Variants in SUMF1 observed in about 807,000 individuals in gnomAD.
SUMF1 encodes sulfatase modifying factor 1.
Under a neutral mutation model 47.6 loss-of-function variants are expected in SUMF1, and 48 were observed. That is an observed-to-expected ratio of 1.01 (90% confidence interval 0.80 to 1.28). SUMF1 has a LOEUF of 1.28. SUMF1 is among the 50% of genes most tolerant of loss of function. SUMF1 has a pLI of 0.00. For missense variants in SUMF1, 571 were observed against 485.4 expected, an observed-to-expected ratio of 1.18 and a Z score of -1.66; for synonymous variants, 230 against 192.1, an observed-to-expected ratio of 1.20 and a Z score of -1.63.
intron 8 of SUMF1, among the ~76,000 whole-genome samples, chr3:4,181,990 T>C (rs754150956): frequency 3.9e-5 from 6 of 152,200 alleles, no homozygotes; most frequent in Non-Finnish European, 8.8e-5. Context: ...GACTAAAATA[T>C]ACATAATTTC....
intron 8 of SUMF1, among the ~76,000 whole-genome samples, chr3:4,215,670 T>A (rs1695906904): frequency 6.6e-6 from 1 of 152,152 alleles, no homozygotes; most frequent in Non-Finnish European, 1.5e-5. Flanking sequence ...AAAATCTCCT[T>A]AAGCTGATAA....
intron 8 of SUMF1, among the ~76,000 whole-genome samples, chr3:4,249,308 G>C (rs1168816890): frequency 2.0e-5 from 3 of 152,144 alleles, no homozygotes; most frequent in Admixed American, 2.0e-4. Flanking sequence ...GTGTTTCACA[G>C]ATATTTCATT....
At chr3:4,101,059 T>C (rs764496625) in intron 8 of SUMF1, among the ~76,000 whole-genome samples, 2 of 152,074 alleles carry the variant, frequency 1.3e-5, no homozygotes, top group Non-Finnish European at 2.9e-5. Context: ...TCGGTGATAT[T>C]ATAAATTCAT....
intron 8 of SUMF1, among the ~76,000 whole-genome samples, chr3:4,085,014 A>G (rs1194320592): frequency 1.3e-5 from 2 of 152,086 alleles, no homozygotes; most frequent in Admixed American, 6.6e-5. Flanking sequence ...CAGGAAATAG[A>G]TGATGTCTAT....
intron 8 of SUMF1, chr3:4,316,414 G>A (rs192746402): frequency 1.3e-4 from 208 of 1,584,022 alleles, no homozygotes; most frequent in Non-Finnish European, 1.7e-4. Flanking sequence ...CGTAGTGGCC[G>A]GCCATCAGAA....
intron 8 of SUMF1, among the ~76,000 whole-genome samples, chr3:4,125,506 G>T (rs546151734): frequency 6.6e-6 from 1 of 152,206 alleles, no homozygotes; most frequent in East Asian, 1.9e-4. Flanking sequence ...CAATCTATCT[G>T]CTTTTTACCA....
intron 8 of SUMF1, among the ~76,000 whole-genome samples, chr3:4,136,095 T>G (rs553468560): frequency 6.6e-6 from 1 of 152,148 alleles, no homozygotes; most frequent in Non-Finnish European, 1.5e-5. Context: ...AAGCTACCAA[T>G]GACTTTCTTC....
intron 1 of SUMF1, among the ~76,000 whole-genome samples, chr3:4,465,797 C>T (rs1018604006): frequency 1.3e-5 from 2 of 152,182 alleles, no homozygotes; most frequent in Non-Finnish European, 2.9e-5. Context: ...AGCAGAAAAA[C>T]ATCTTTAATA....
intron 8 of SUMF1, among the ~76,000 whole-genome samples, chr3:4,196,208 G>C (rs1244041670): frequency 6.6e-6 from 1 of 152,066 alleles, no homozygotes; most frequent in Non-Finnish European, 1.5e-5. Flanking sequence ...GAATTCCCTT[G>C]ATATTTCCTT....
At chr3:4,350,086 T>C (rs950917137) in intron 8 of SUMF1, among the ~76,000 whole-genome samples, 1 of 151,764 alleles carries the variant, frequency 6.6e-6, no homozygotes, top group Non-Finnish European at 1.5e-5. Context: ...CTGCAACCTC[T>C]GCCTTCCGTG....
rs6775373 is a variant in SUMF1 at position 4,181,673 on chromosome 3, C to T, written c.1015-112928G>A. ...GATTTTTTGAGCTTCCCAAAACCTC[C>T]CTTATGCCCAAGAAAGAGTGTCCCC... is the stretch of plus-strand genomic sequence containing the variant. On this transcript the variant is annotated intron_variant and NMD_transcript_variant, in intron 8 of 12. Coordinates refer to the SUMF1 transcript ENST00000448413. Among the ~76,000 whole-genome samples the T allele has an allele frequency of 3.4e-3, 518 of 152,176 alleles. 4 individuals carry two copies. The highest frequency in any genetic ancestry group is 0.012 in the African/African-American group (484 of 41,512).
intron 8 of SUMF1, among the ~76,000 whole-genome samples, chr3:4,186,972 G>A (rs1232910608): frequency 6.6e-6 from 1 of 152,114 alleles, no homozygotes; most frequent in Non-Finnish European, 1.5e-5. Flanking sequence ...AAACCAATAT[G>A]TTACTAGCAT....
intron 8 of SUMF1, chr3:4,313,164 C>T: frequency 1.9e-6 from 3 of 1,613,998 alleles, no homozygotes; most frequent in Non-Finnish European, 1.7e-6. Flanking sequence ...AGTTCCACTT[C>T]CAAGTGTTCA....
intron 7 of SUMF1, among the ~76,000 whole-genome samples, chr3:4,410,563 T>C (rs1040467513): frequency 6.6e-6 from 1 of 152,230 alleles, no homozygotes; most frequent in Non-Finnish European, 1.5e-5. Flanking sequence ...TAGTTATTTA[T>C]ATATCATGCA....
At chr3:4,368,418 A>T (rs970707597) in intron 8 of SUMF1, among the ~76,000 whole-genome samples, 1 of 152,194 alleles carries the variant, frequency 6.6e-6, no homozygotes, top group African/African-American at 2.4e-5. Context: ...CCATTGTGGA[A>T]GTCAGTGTGG....
In SUMF1 at chr3:4,157,320, C is replaced by G. The variant is rs534155376; in HGVS notation, c.1015-88575G>C. Among the ~76,000 whole-genome samples, 64 of 151,586 alleles carry G rather than the reference C, an allele frequency of 4.2e-4. 2 individuals carry two copies. The highest frequency in any genetic ancestry group is 1.4e-3 in the African/African-American group (56 of 40,926). On this transcript the variant is annotated intron_variant and NMD_transcript_variant, in intron 8 of 12. Coordinates refer to the SUMF1 transcript ENST00000448413. ...AGGGAAGAGGCCTTTACCTTCCCTC[C>G]TCACTTCATATAGTATTAGCCCTTG...
intron 8 of SUMF1, among the ~76,000 whole-genome samples, chr3:4,226,282 T>TG (rs1696172805): frequency 6.9e-6 from 1 of 144,080 alleles, no homozygotes; most frequent in Non-Finnish European, 1.5e-5. Flanking sequence ...TTTTTTTTTT[T>TG]TTTTTGAGAC....
chr3:4,182,815 A>C (rs1450381995), intron 8 of SUMF1, among the ~76,000 whole-genome samples: 1 of 152,162 alleles, frequency 6.6e-6, no homozygotes, highest in Non-Finnish European at 1.5e-5. Context: ...ACAGGCTCAC[A>C]TCCTGAATCT....
At chr3:4,415,148 A>G (rs1575192985) in intron 6 of SUMF1, among the ~76,000 whole-genome samples, 4 of 148,656 alleles carry the variant, frequency 2.7e-5, no homozygotes, top group African/African-American at 1.0e-4. Context: ...AATCACTTGA[A>G]CCCAGGAGGC....
Sources: gnomAD v4.1 joint callset for allele counts (sites outside exome capture counted in the v4.1 genomes callset) on GRCh38, gnomAD v4.1.1 for gene constraint, MANE v1.5 for transcripts, NCBI Gene and HGNC (gene_info 2026-07-23, HGNC 2026-07-21) for gene names.